Variants in SLCO6A1 observed in about 807,000 individuals in gnomAD.
The protein encoded by SLCO6A1 is solute carrier organic anion transporter family member 6A1.
SLCO6A1 carries 65 observed loss-of-function variants against 72.7 expected under a neutral mutation model. That is an observed-to-expected ratio of 0.89 (90% CI 0.73 to 1.10). The LOEUF (loss-of-function observed/expected upper bound fraction) is 1.10. SLCO6A1 is among the 50% of genes least tolerant of loss of function. SLCO6A1 has a pLI of 0.00. For missense variants in SLCO6A1, 874 were observed against 872.6 expected (o/e 1.00, Z -0.02); for synonymous variants, 314 against 298.2 (o/e 1.05, Z -0.55).
intron 9 of SLCO6A1, among the ~76,000 whole-genome samples, chr5:102,407,579 TAAGA>T (rs1366415083): frequency 1.3e-5 from 2 of 152,186 alleles, no homozygotes; most frequent in Non-Finnish European, 2.9e-5. Context: ...TAGTTTACTT[TAAGA>T]AAGAAAGGCT....
rs1222254298 is a variant in SLCO6A1, at chr5:102,498,701, G to A, written c.144C>T (p.His48=). Residue 48 remains histidine (H), a synonymous_variant, in exon 1 of 14, where the codon CAC becomes CAT. Transcript: ENST00000506729. ...TPKSSKPGKK[H]RYLRLLPEAL... ...CCTCTGGAAGTAGTCTCAGATACCG[G>A]TGTTTTTTCCCGGGCTTCGAGGACT... 3 of 1,614,168 alleles carry A rather than the reference G, an allele frequency of 1.9e-6. No individual in the cohort carries two copies.
intron 4 of SLCO6A1, among the ~76,000 whole-genome samples, chr5:102,470,515 T>A (rs1486226452): frequency 6.6e-6 from 1 of 152,196 alleles, no homozygotes; most frequent in African/African-American, 2.4e-5. Context: ...ATCCCTTTTA[T>A]CATTTTTTAT....
At chr5:102,386,042 T>A (rs1347952336) in intron 12 of SLCO6A1, among the ~76,000 whole-genome samples, 2 of 152,212 alleles carry the variant, frequency 1.3e-5, no homozygotes, top group African/African-American at 4.8e-5. Context: ...CATGTTTTCC[T>A]GATTATTTGT....
At chr5:102,405,740 T>C (rs1305267093) in intron 9 of SLCO6A1, among the ~76,000 whole-genome samples, 1 of 152,100 alleles carries the variant, frequency 6.6e-6, no homozygotes, top group Non-Finnish European at 1.5e-5. Flanking sequence ...TCATGAATGA[T>C]GAATATTAAA....
At position 102,498,894 on chromosome 5, in the gene SLCO6A1, C is replaced by T. The variant is rs1045031622; in HGVS notation, c.-50G>A. The T allele has an allele frequency of 1.3e-6, 2 of 1,527,892 alleles. No individual in the cohort carries two copies. Among genetic ancestry groups the T allele is most frequent in the Non-Finnish European group, 1.8e-6 (2 of 1,135,326 alleles). The allele number at this position is 1,527,892 out of a possible 1,614,324, so 94.6% of individuals were successfully genotyped here. On this transcript the variant is annotated 5_prime_UTR_variant, in exon 1 of 14. Coordinates refer to ENST00000506729, the MANE Select transcript of SLCO6A1 (RefSeq NM_173488.5). ...GACGCGGCCCGAGTGCTCTCGGCTG[C>T]CCGTCCTGCCTGGGCCAACCCAAAG...
chr5:102,389,655 A>T (rs1449351530), intron 11 of SLCO6A1, among the ~76,000 whole-genome samples: 2 of 151,930 alleles, frequency 1.3e-5, no homozygotes, highest in African/African-American at 4.8e-5. Flanking sequence ...TTTAAAAAAC[A>T]ATTGACTACT....
intron 10 of SLCO6A1, among the ~76,000 whole-genome samples, chr5:102,396,731 A>G (rs888296606): frequency 2.2e-4 from 33 of 152,158 alleles, no homozygotes; most frequent in African/African-American, 6.5e-4. Flanking sequence ...AATTGTAAAA[A>G]TAGTACAAAG....
chr5:102,486,270 G>C (rs182444212), intron 1 of SLCO6A1, among the ~76,000 whole-genome samples: 221 of 152,220 alleles, frequency 1.5e-3, no homozygotes, highest in African/African-American at 5.1e-3. Context: ...AATAAATCTT[G>C]TATGCTACTC....
At chr5:102,405,091 G>A (rs1305425030) in intron 9 of SLCO6A1, among the ~76,000 whole-genome samples, 1 of 152,058 alleles carries the variant, frequency 6.6e-6, no homozygotes, top group Non-Finnish European at 1.5e-5. Flanking sequence ...AATAATTAGT[G>A]AGAGTCCCTT....
chr5:102,449,417 C>T (rs1056907710), intron 6 of SLCO6A1, among the ~76,000 whole-genome samples: 4 of 149,956 alleles, frequency 2.7e-5, no homozygotes, highest in South Asian at 2.1e-4. Flanking sequence ...GACAGAGTCT[C>T]GCTCTGTTGC....
At chr5:102,473,877 T>C (rs1426329389) in intron 4 of SLCO6A1, among the ~76,000 whole-genome samples, 2 of 151,832 alleles carry the variant, frequency 1.3e-5, no homozygotes, top group East Asian at 1.9e-4. Flanking sequence ...GACTTGCGCA[T>C]TGCAAACTAT....
chr5:102,374,013 C>A (rs970206490), intron 12 of SLCO6A1, among the ~76,000 whole-genome samples: 2 of 144,040 alleles, frequency 1.4e-5, no homozygotes, highest in African/African-American at 5.6e-5. Flanking sequence ...TTAATTAATT[C>A]TTTTTCAATT....
Position 102,449,594 on chromosome 5 carries a change from C to G in SLCO6A1, c.1131+8788G>C, listed in dbSNP as rs1400444309. ...GTAGAAATGGGGTTTCACCGTGTTA[C>G]CCAGGATGGTCTTGATCTCCTGACC... On this transcript the variant is annotated intron_variant, in intron 6 of 13. Coordinates refer to ENST00000506729, the MANE Select transcript of SLCO6A1 (RefSeq NM_173488.5). 2.6e-5 allele frequency among the ~76,000 whole-genome samples: 4 copies of G among 151,980 alleles called. No individual in the cohort carries two copies. In the East Asian group the frequency reaches 7.7e-4, roughly 29 times the overall value.
rs142490287 is a variant in SLCO6A1 at position 102,497,584 on chromosome 5, T to G, written c.358+903A>C. Reference sequence around the variant, plus strand: ...AAGTTCGTGCCAGCCGGTTAACCTGTTTTTGAAACTACCTTTGCAAAAATT... The same window carrying G: ...AAGTTCGTGCCAGCCGGTTAACCTGGTTTTGAAACTACCTTTGCAAAAATT... On this transcript the variant is annotated intron_variant, in intron 1 of 13. Coordinates refer to ENST00000506729, the MANE Select transcript of SLCO6A1 (RefSeq NM_173488.5). 5.6e-3 allele frequency among the ~76,000 whole-genome samples: 853 copies of G among 152,272 alleles called. 4 individuals carry two copies. Among genetic ancestry groups the G allele is most frequent in the African/African-American group, 0.02 (819 of 41,536 alleles).
chr5:102,465,631 A>C (rs1449588222), intron 4 of SLCO6A1, among the ~76,000 whole-genome samples: 1 of 152,134 alleles, frequency 6.6e-6, no homozygotes, highest in Admixed American at 6.6e-5. Context: ...AAATTAGAAG[A>C]AAACTAACAC....
chr5:102,498,119 C>T (rs2112880636), intron 1 of SLCO6A1, among the ~76,000 whole-genome samples: 1 of 152,272 alleles, frequency 6.6e-6, no homozygotes, highest in African/African-American at 2.4e-5. Context: ...TCCCCAGTTC[C>T]CGAGCCCCTG....
chr5:102,451,825 T>C (rs1750434427), intron 6 of SLCO6A1, among the ~76,000 whole-genome samples: 1 of 152,196 alleles, frequency 6.6e-6, no homozygotes, highest in Non-Finnish European at 1.5e-5. Flanking sequence ...TGCCACTCTG[T>C]CTCCTCTCCA....
At chr5:102,466,178 C>T (rs1037821426) in intron 4 of SLCO6A1, among the ~76,000 whole-genome samples, 5 of 152,030 alleles carry the variant, frequency 3.3e-5, no homozygotes, top group African/African-American at 1.2e-4. Context: ...TTTCCTCCCC[C>T]CACCCTCTGC....
chr5:102,390,390 G>A (rs920202070), intron 11 of SLCO6A1, among the ~76,000 whole-genome samples: 2 of 152,136 alleles, frequency 1.3e-5, no homozygotes, highest in African/African-American at 4.8e-5. Flanking sequence ...CTCTATCAGA[G>A]CCGCACTTAG....
Sources: allele counts gnomAD v4.1 joint callset (sites outside exome capture counted in the v4.1 genomes callset), GRCh38; gene constraint gnomAD v4.1.1; transcripts MANE v1.5; gene names NCBI Gene and HGNC (gene_info 2026-07-23, HGNC 2026-07-21).